Variants in STEAP3 observed in about 807,000 individuals in gnomAD.
STEAP3 encodes the protein metalloreductase STEAP3.
STEAP3 carries 35 observed loss-of-function variants against 34.9 expected under a neutral mutation model. That is an observed-to-expected ratio of 1.00 (90% confidence interval 0.76 to 1.33). The LOEUF (loss-of-function observed/expected upper bound fraction) is 1.33. Among genes scored for constraint, STEAP3 ranks in the 40% most tolerant of loss-of-function variants. STEAP3 has a pLI of 0.00. For synonymous variants in STEAP3, 281 were observed against 301.6 expected (o/e 0.93, Z 0.71); for missense variants, 652 against 667.6 (o/e 0.98, Z 0.26).
chr2:119,258,774 ATTTTTT>A (rs57860527), intron 5 of STEAP3, among the ~76,000 whole-genome samples: 1 of 121,050 alleles, frequency 8.3e-6, no homozygotes, highest in Non-Finnish European at 1.7e-5. Flanking sequence ...CACCTGGCTA[ATTTTTT>A]TTTTTTTTTT....
At chr2:119,256,866 A>C (rs1378411478) in intron 5 of STEAP3, among the ~76,000 whole-genome samples, 1 of 152,196 alleles carries the variant, frequency 6.6e-6, no homozygotes, top group Non-Finnish European at 1.5e-5. Context: ...CCCCTGAAAA[A>C]TGGAGTTAAT....
chr2:119,246,174 C>A, intron 3 of STEAP3, 186 bp downstream of exon 3: 1 of 850,236 alleles, frequency 1.2e-6, no homozygotes. Context: ...AATTCCATAG[C>A]TGGTAAGTTG....
intron 4 of STEAP3, among the ~76,000 whole-genome samples, chr2:119,251,111 G>T (rs76944827): frequency 0.044 from 6,706 of 152,210 alleles, 199 homozygotes; most frequent in Non-Finnish European, 0.057. Flanking sequence ...CCGCGGTTCT[G>T]GGCCTGGGCA....
chr2:119,259,492 T>C (rs1342712090), intron 5 of STEAP3, among the ~76,000 whole-genome samples: 1 of 152,238 alleles, frequency 6.6e-6, no homozygotes, highest in Admixed American at 6.5e-5. Context: ...TATGAACCAC[T>C]GGCCTGAGGC....
chr2:119,227,713 T>G (rs1355790827), intron 1 of STEAP3, among the ~76,000 whole-genome samples: 1 of 152,184 alleles, frequency 6.6e-6, no homozygotes, highest in Non-Finnish European at 1.5e-5. Context: ...CACTAAGCTT[T>G]ATTTTGTGGT....
Position 119,230,698 on chromosome 2 carries a change from T to G in STEAP3, c.-315T>G, listed in dbSNP as rs1676900049. ...TTCCTGTAGCAAAGAGACTTGAGTC[T>G]GAGCCACTAATTATCACCCGTGAGG... On this transcript the variant is annotated 5_prime_UTR_variant, in exon 2 of 6. Transcript: ENST00000393110. 2 of 485,170 alleles carry G rather than the reference T, an allele frequency of 4.1e-6. No individual in the cohort carries two copies. The highest frequency in any genetic ancestry group is 1.9e-5 in the African/African-American group (1 of 51,808). The allele number at this position is 485,170 out of a possible 1,614,324, so 30.1% of individuals were successfully genotyped here. A position where few individuals can be genotyped will look rare whatever the true frequency, so the allele number is the denominator to read the frequency against.
intron 1 of STEAP3, among the ~76,000 whole-genome samples, chr2:119,224,350 A>T (rs1678970270): frequency 2.0e-5 from 3 of 152,174 alleles, no homozygotes; most frequent in South Asian, 4.1e-4. Flanking sequence ...CGAACAGGGC[A>T]GGGACAGGGG....
In STEAP3 at chr2:119,263,340, G is replaced by A; in HGVS notation, c.*2G>A. ...GCCGAGAAGACGAGCCACGTATGAG[G>A]TGCCTGCCCTGGGCTCTGGACCCCG... On this transcript the variant is annotated 3_prime_UTR_variant, in exon 6 of 6. Transcript: ENST00000393110. The A allele has an allele frequency of 6.2e-7, 1 of 1,611,614 alleles. No homozygotes were observed.
intron 1 of STEAP3, among the ~76,000 whole-genome samples, chr2:119,226,485 G>T (rs149559245): frequency 6.6e-6 from 1 of 152,244 alleles, no homozygotes; most frequent in East Asian, 1.9e-4. Flanking sequence ...GAGTTGGAAG[G>T]GTGTGTGCTT....
At chr2:119,224,289 G>A (rs975956269) in intron 1 of STEAP3, among the ~76,000 whole-genome samples, 37 of 152,212 alleles carry the variant, frequency 2.4e-4, no homozygotes, top group African/African-American at 8.7e-4. Flanking sequence ...GTAGCTGTGG[G>A]CGGGGATCTT....
chr2:119,228,748 C>T (rs181334846), intron 1 of STEAP3, among the ~76,000 whole-genome samples: 51 of 152,164 alleles, frequency 3.4e-4, no homozygotes, highest in African/African-American at 1.1e-3. Flanking sequence ...TTGGGGCTGC[C>T]GCTTACCCTC....
intron 2 of STEAP3, among the ~76,000 whole-genome samples, chr2:119,243,097 G>A (rs1343347620): frequency 3.9e-5 from 6 of 152,196 alleles, no homozygotes; most frequent in Non-Finnish European, 7.3e-5. Context: ...CTGTGGACTC[G>A]GAAAGCATGA....
rs1234769173 is a variant in STEAP3 at position 119,230,347 on chromosome 2, G to A, written c.-393-273G>A. Among the ~76,000 whole-genome samples the A allele has an allele frequency of 2.0e-5, 3 of 152,160 alleles. No homozygotes were observed. In the South Asian group the frequency reaches 6.3e-4, roughly 32 times the overall value. ...GCCCTGGAGACAAGTGCTGTCATCTGTTTGTGGGTCTGTCTGTCTGTCTGT... is the reference window on the plus strand; with the variant it reads ...GCCCTGGAGACAAGTGCTGTCATCTATTTGTGGGTCTGTCTGTCTGTCTGT... On this transcript the variant is annotated intron_variant, in intron 1 of 5. Coordinates refer to ENST00000393110, the MANE Select transcript of STEAP3 (RefSeq NM_182915.3).
At chr2:119,237,353 GAAGT>G (rs1433620110) in intron 2 of STEAP3, among the ~76,000 whole-genome samples, 1 of 152,112 alleles carries the variant, frequency 6.6e-6, no homozygotes, top group East Asian at 1.9e-4. Flanking sequence ...GGGGAGAGAG[GAAGT>G]AAGAGAGAGA....
intron 2 of STEAP3, among the ~76,000 whole-genome samples, chr2:119,238,241 C>T (rs1677146207): frequency 3.9e-5 from 6 of 152,214 alleles, no homozygotes; most frequent in Admixed American, 3.3e-4. Context: ...CTCCACGGTG[C>T]CTGCACCATT....
chr2:119,248,259 G>T, intron 4 of STEAP3, 53 bp downstream of exon 4: 1 of 1,469,674 alleles, frequency 6.8e-7, no homozygotes, highest in Non-Finnish European at 9.1e-7. Flanking sequence ...TGCTTGTCCA[G>T]CACCTCCCCC....
At chr2:119,225,474 G>T (rs1047958014) in intron 1 of STEAP3, among the ~76,000 whole-genome samples, 2 of 152,348 alleles carry the variant, frequency 1.3e-5, no homozygotes, top group East Asian at 3.9e-4. Context: ...CCCCAGGTTT[G>T]CTGAGGTCCC....
rs1677410233 is a variant in STEAP3, at chr2:119,245,941, A to T, written c.475A>T (p.Ile159Phe). ...CACAGTGGTCAAGGCCTTCAATGTC[A>T]TCTCTGCCTGGACCCTGCAGGCTGG... Reference protein sequence around the residue: ...TCTVVKAFNVISAWTLQAGPR... With the variant: ...TCTVVKAFNVFSAWTLQAGPR... The change falls in exon 3 of 6, where the codon ATC (isoleucine) becomes TTC (phenylalanine). Residue 159 changes from isoleucine to phenylalanine, a missense_variant. Ile to Phe is a conservative substitution (Grantham distance 21, BLOSUM62 0). Coordinates refer to ENST00000393110, the MANE Select transcript of STEAP3 (RefSeq NM_182915.3). 2 of 1,613,832 alleles carry T rather than the reference A, an allele frequency of 1.2e-6. No homozygotes were observed. Among genetic ancestry groups the T allele is most frequent in the Non-Finnish European group, 8.5e-7 (1 of 1,180,032 alleles).
chr2:119,224,538 G>A (rs777614347), intron 1 of STEAP3, among the ~76,000 whole-genome samples: 1 of 152,214 alleles, frequency 6.6e-6, no homozygotes, highest in African/African-American at 2.4e-5. Flanking sequence ...GGAGAGGTGT[G>A]GTTGGAACTT....
Sources: gnomAD v4.1 joint callset for allele counts (sites outside exome capture counted in the v4.1 genomes callset) on GRCh38, gnomAD v4.1.1 for gene constraint, MANE v1.5 for transcripts, NCBI Gene and HGNC (gene_info 2026-07-23, HGNC 2026-07-21) for gene names.